Variants in ARHGAP10 observed in about 807,000 individuals in gnomAD.
ARHGAP10 encodes Rho GTPase activating protein 10.
A neutral mutation model predicts 108.6 loss-of-function variants in ARHGAP10; 87 were observed. The observed-to-expected ratio is 0.80, with a 90% confidence interval of 0.67 to 0.96. ARHGAP10 has a LOEUF of 0.96. Among genes scored for constraint, ARHGAP10 ranks in the 40% least tolerant of loss-of-function variants. The pLI, the probability that ARHGAP10 is intolerant of heterozygous loss-of-function variation, is 0.00. For missense variants in ARHGAP10, 939 were observed against 954.5 expected (o/e 0.98, Z 0.21); for synonymous variants, 347 against 341.1 (o/e 1.02, Z -0.19).
In ARHGAP10 at chr4:148,063,176, C is replaced by T; in HGVS notation, c.2056C>T (p.Gln686Ter). Residue 686 changes from glutamine (Q) to a stop codon, truncating the protein, a stop_gained, in exon 21 of 23, where the codon CAG becomes TAG. Transcript: ENST00000336498. LOFTEE classifies it high-confidence loss of function. ...IPGQTRSSMV[Q>*]WLNPQSPTTT... Reference sequence around the variant, plus strand: ...AGGCCAGACCCGATCGTCTATGGTCCAGTGGCTTAACCCACAGTCTCCAAC... The same window carrying T: ...AGGCCAGACCCGATCGTCTATGGTCTAGTGGCTTAACCCACAGTCTCCAAC... The T allele has an allele frequency of 6.2e-7, 1 of 1,614,170 alleles. No homozygotes were observed. Among genetic ancestry groups the T allele is most frequent in the African/African-American group, 1.3e-5 (1 of 75,032 alleles).
chr4:147,740,495 A>G (rs1241330844), intron 1 of ARHGAP10, among the ~76,000 whole-genome samples: 2 of 152,160 alleles, frequency 1.3e-5, no homozygotes, highest in Non-Finnish European at 2.9e-5. Flanking sequence ...TGATCTAGTT[A>G]GGATATTCTT....
rs139094970 is a variant in ARHGAP10, at chr4:148,001,294, C to T, written c.1717-21969C>T. Among the ~76,000 whole-genome samples, 1,116 of 152,218 alleles carry T rather than the reference C, an allele frequency of 7.3e-3. 9 individuals carry two copies. The highest frequency in any genetic ancestry group is 0.019 in the African/African-American group (776 of 41,514). On this transcript the variant is annotated intron_variant, in intron 18 of 22. Coordinates refer to ENST00000336498, the MANE Select transcript of ARHGAP10 (RefSeq NM_024605.4). ...CTGTATCTCTGTTTTGGTACCAGTA[C>T]CATGCTGTTTTGGTTACTGTAGCCT...
intron 6 of ARHGAP10, chr4:147,866,045 C>T (rs35810358): frequency 0.76 from 115,219 of 152,164 alleles, 47,432 homozygotes; most frequent in Non-Finnish European, 0.93. Flanking sequence ...ATGGAGCCTG[C>T]TGGGTGTCAG....
chr4:147,849,810 T>C (rs1733785728), intron 4 of ARHGAP10, among the ~76,000 whole-genome samples: 1 of 152,234 alleles, frequency 6.6e-6, no homozygotes, highest in African/African-American at 2.4e-5. Flanking sequence ...TTGGATATGC[T>C]CTCCTTGAGC....
Position 147,853,637 on chromosome 4 carries a change from C to T in ARHGAP10, c.385-3916C>T, listed in dbSNP as rs931864632. 3.3e-5 allele frequency among the ~76,000 whole-genome samples: 5 copies of T among 152,236 alleles called. No individual in the cohort carries two copies. In the South Asian group the frequency reaches 1.0e-3, roughly 32 times the overall value. On this transcript the variant is annotated intron_variant, in intron 4 of 22. Coordinates refer to ENST00000336498, the MANE Select transcript of ARHGAP10 (RefSeq NM_024605.4). The stretch of plus-strand genomic sequence containing the variant: ...ATTGTGTGTTTTTTGCAAAAAACTG[C>T]TTAATGAAGAATATATTTTGTGTTA...
rs1729589525 is a variant in ARHGAP10, at chr4:148,060,892, A to T, written c.2028-2256A>T. Among the ~76,000 whole-genome samples, 3 of 152,190 alleles carry T rather than the reference A, an allele frequency of 2.0e-5. No homozygotes were observed. In the South Asian group the frequency reaches 6.2e-4, roughly 31 times the overall value. On this transcript the variant is annotated intron_variant, in intron 20 of 22. Transcript: ENST00000336498. ...GATCACAAAAAAACAAAAAAGGTGA[A>T]TGTGGAGAACTTGACCCTGGACAAG...
intron 18 of ARHGAP10, among the ~76,000 whole-genome samples, chr4:148,022,164 T>C (rs185906470): frequency 6.6e-6 from 1 of 152,216 alleles, no homozygotes; most frequent in African/African-American, 2.4e-5. Flanking sequence ...TTTTAAATTA[T>C]ACATGTGCAG....
chr4:147,830,941 T>TGCTA (rs1732932980), intron 3 of ARHGAP10, among the ~76,000 whole-genome samples: 1 of 152,248 alleles, frequency 6.6e-6, no homozygotes, highest in South Asian at 2.1e-4. Context: ...GGAGCAAATA[T>TGCTA]GCTATTCTTT....
At chr4:147,900,819 T>TCAACAACAA (rs36114707) in intron 10 of ARHGAP10, among the ~76,000 whole-genome samples, 147 of 150,628 alleles carry the variant, frequency 9.8e-4, no homozygotes, top group South Asian at 8.7e-3. Context: ...ATAAATAAAT[T>TCAACAACAA]CAACAACAAC....
rs180767419 is a variant in ARHGAP10, at chr4:147,844,222, G to A, written c.313-2929G>A. 1.6e-4 allele frequency among the ~76,000 whole-genome samples: 24 copies of A among 151,988 alleles called. No homozygotes were observed. The East Asian group carries it at 3.9e-3, about 24-fold the overall frequency. On this transcript the variant is annotated intron_variant, in intron 3 of 22. Coordinates refer to ENST00000336498, the MANE Select transcript of ARHGAP10 (RefSeq NM_024605.4). ...TTTAGGATTTGTGAGTACATAATAG[G>A]TATATATATTTATGGGGTTATATTA...
chr4:147,889,959 A>G (rs1416287735), intron 10 of ARHGAP10, among the ~76,000 whole-genome samples: 1 of 152,250 alleles, frequency 6.6e-6, no homozygotes, highest in Non-Finnish European at 1.5e-5. Flanking sequence ...CACAGCTGAT[A>G]TAATCCTGCT....
At chr4:148,050,827 A>G (rs557451151) in intron 20 of ARHGAP10, among the ~76,000 whole-genome samples, 2 of 152,280 alleles carry the variant, frequency 1.3e-5, no homozygotes, top group African/African-American at 4.8e-5. Context: ...TTATCTCTGC[A>G]TACCAGCTAT....
At chr4:147,977,155 T>C (rs1007236946) in intron 18 of ARHGAP10, among the ~76,000 whole-genome samples, 2 of 152,164 alleles carry the variant, frequency 1.3e-5, no homozygotes, top group Non-Finnish European at 2.9e-5. Context: ...ATTCAATCAG[T>C]ATTTGCAGAA....
intron 1 of ARHGAP10, among the ~76,000 whole-genome samples, chr4:147,737,607 A>C (rs1018515430): frequency 6.6e-6 from 1 of 152,232 alleles, no homozygotes; most frequent in Non-Finnish European, 1.5e-5. Flanking sequence ...AGGAATACTC[A>C]TCTACACTCT....
At chr4:147,912,548 AATATATATATATATATATAT>A (rs59663731) in intron 12 of ARHGAP10, among the ~76,000 whole-genome samples, 154 of 120,332 alleles carry the variant, frequency 1.3e-3, no homozygotes, top group Middle Eastern at 4.1e-3. Context: ...CAAACAAACA[AATATATATATATATATATAT>A]ATATATATAT....
At position 148,072,582 on chromosome 4, in the gene ARHGAP10, G is replaced by A. The variant is rs897111507; in HGVS notation, c.*501G>A. The A allele has an allele frequency of 6.5e-6, 1 of 152,730 alleles. No homozygotes were observed. Among genetic ancestry groups the A allele is most frequent in the East Asian group, 1.9e-4 (1 of 5,192 alleles). 9.5% of individuals were successfully genotyped at this position (152,730 alleles called of 1,614,324 possible). ...GTGCAAGGGAGATGGTCTCAAGTCAGAGGGAAGCAGAGACGCGCGTCTCAA... is the reference window on the plus strand; with the variant it reads ...GTGCAAGGGAGATGGTCTCAAGTCAAAGGGAAGCAGAGACGCGCGTCTCAA... On this transcript the variant is annotated 3_prime_UTR_variant, in exon 23 of 23. Transcript: ENST00000336498.
intron 19 of ARHGAP10, among the ~76,000 whole-genome samples, chr4:148,042,868 T>C (rs898634747): frequency 8.5e-5 from 13 of 152,150 alleles, no homozygotes; most frequent in African/African-American, 2.9e-4. Flanking sequence ...TCCAAAACTG[T>C]GTGCAGGTTT....
chr4:147,804,971 T>C (rs535287004), intron 1 of ARHGAP10, among the ~76,000 whole-genome samples: 1 of 152,282 alleles, frequency 6.6e-6, no homozygotes, highest in African/African-American at 2.4e-5. Context: ...GAGGCTCTTT[T>C]GTTTAATTAG....
At chr4:148,070,695 C>T (rs904211619) in intron 22 of ARHGAP10, among the ~76,000 whole-genome samples, 2 of 152,172 alleles carry the variant, frequency 1.3e-5, no homozygotes, top group African/African-American at 2.4e-5. Flanking sequence ...GTGTGTGTTA[C>T]GGATGTGTAT....
Sources: gnomAD v4.1 joint callset for allele counts (sites outside exome capture counted in the v4.1 genomes callset) on GRCh38, gnomAD v4.1.1 for gene constraint, MANE v1.5 for transcripts, NCBI Gene and HGNC (gene_info 2026-07-23, HGNC 2026-07-21) for gene names.